Variants in SEMA5A observed in about 807,000 individuals in gnomAD.
The protein encoded by SEMA5A is semaphorin-5A.
Under a neutral mutation model 135.5 loss-of-function variants are expected in SEMA5A, and 55 were observed. The ratio of observed to expected loss-of-function variants is 0.41; its 90% CI spans 0.33 to 0.51. The LOEUF (loss-of-function observed/expected upper bound fraction) is 0.51, where lower values mean the gene tolerates loss of function less well. SEMA5A is among the 20% of genes least tolerant of loss of function. The probability of loss-of-function intolerance (pLI) is 0.37; values close to 1 mark genes in which losing one functional copy is unlikely to be tolerated. For synonymous variants in SEMA5A, 580 were observed against 546.5 expected (o/e 1.06, Z -0.85); for missense variants, 1,290 against 1,419.9 (o/e 0.91, Z 1.47).
At chr5:9,236,759 T>A (rs1192289347) in intron 6 of SEMA5A, among the ~76,000 whole-genome samples, 1 of 152,140 alleles carries the variant, frequency 6.6e-6, no homozygotes, top group African/African-American at 2.4e-5. Flanking sequence ...TGTCTCCAAG[T>A]GTTTCCCTGG....
At position 9,337,740 on chromosome 5, in the gene SEMA5A, C is replaced by T. The variant is rs1189114211; in HGVS notation, c.197G>A (p.Gly66Glu). The change falls in exon 4 of 23, where the codon GGA (glycine) becomes GAA (glutamate). Residue 66 changes from glycine (G) to glutamate (E), a missense_variant. Around this residue, in one of 3 missense-constraint regions of SEMA5A, gnomAD observed 116 missense variants for 121.3 expected, o/e 0.96. Transcript: ENST00000382496. ...TGCTCCTACAACAAGTTCTTTCTGT[C>T]CTGGGTCAAATGTTAACTGCGAGAA... ...VDFSQLTFDP[G>E]QKELVVGARN... The T allele has an allele frequency of 6.2e-7, 1 of 1,611,680 alleles. No individual in the cohort carries two copies. The highest frequency in any genetic ancestry group is 8.5e-7 in the Non-Finnish European group (1 of 1,178,434).
chr5:9,519,165 C>T (rs1328498776), intron 1 of SEMA5A, among the ~76,000 whole-genome samples: 2 of 152,090 alleles, frequency 1.3e-5, no homozygotes, highest in East Asian at 1.9e-4. Flanking sequence ...TGTATACTGA[C>T]GGAGTGTGGA....
At chr5:9,354,204 T>G (rs575208212) in intron 3 of SEMA5A, among the ~76,000 whole-genome samples, 2 of 152,248 alleles carry the variant, frequency 1.3e-5, no homozygotes, top group African/African-American at 4.8e-5. Flanking sequence ...ATGCTTTCAT[T>G]TCAAGGTACT....
intron 2 of SEMA5A, among the ~76,000 whole-genome samples, chr5:9,389,661 CCT>C (rs1756064569): frequency 6.6e-6 from 1 of 152,174 alleles, no homozygotes; most frequent in Non-Finnish European, 1.5e-5. Flanking sequence ...TCCATGCCCT[CCT>C]CTCTGTCCTG....
At chr5:9,493,061 T>C (rs912279922) in intron 1 of SEMA5A, among the ~76,000 whole-genome samples, 19 of 152,026 alleles carry the variant, frequency 1.2e-4, no homozygotes, top group African/African-American at 4.6e-4. Context: ...TTGCAACAAA[T>C]AGACCACTCT....
At position 9,545,165 on chromosome 5, in the gene SEMA5A, C is replaced by A. The variant is rs375707942; in HGVS notation, c.-175+419G>T. On this transcript the variant is annotated intron_variant, in intron 1 of 22. Coordinates refer to ENST00000382496, the MANE Select transcript of SEMA5A (RefSeq NM_003966.3). The surrounding 1 kb of genome is among the most constrained non-coding windows in gnomAD (Gnocchi z 4.5). Reference sequence around the variant, plus strand: ...GGCTGCGAGGTGGCCGCTCCCGAACCGCCAAGTCCCGACCTCCGTGTCCCC... The same window carrying A: ...GGCTGCGAGGTGGCCGCTCCCGAACAGCCAAGTCCCGACCTCCGTGTCCCC... Among the ~76,000 whole-genome samples, 10 of 152,270 alleles carry A rather than the reference C, an allele frequency of 6.6e-5. No individual in the cohort carries two copies. The East Asian group carries it at 1.9e-3, about 30-fold the overall frequency.
chr5:9,200,319 C>T (rs1745635396), intron 9 of SEMA5A, among the ~76,000 whole-genome samples: 1 of 152,200 alleles, frequency 6.6e-6, no homozygotes, highest in South Asian at 2.1e-4. Context: ...CATACACCAT[C>T]TTGCAATATT....
At chr5:9,534,207 G>C (rs1737618147) in intron 1 of SEMA5A, among the ~76,000 whole-genome samples, 1 of 152,080 alleles carries the variant, frequency 6.6e-6, no homozygotes, top group South Asian at 2.1e-4. Flanking sequence ...GCCCCACTAT[G>C]AGCAATTCAC....
At chr5:9,333,649 A>G (rs1753257650) in intron 4 of SEMA5A, among the ~76,000 whole-genome samples, 1 of 152,170 alleles carries the variant, frequency 6.6e-6, no homozygotes, top group African/African-American at 2.4e-5. Context: ...CAGTCATAAT[A>G]TATTCTTTCA....
chr5:9,206,653 C>T (rs542588797), intron 8 of SEMA5A, among the ~76,000 whole-genome samples: 8 of 151,906 alleles, frequency 5.3e-5, no homozygotes, highest in Non-Finnish European at 1.2e-4. Flanking sequence ...TATTTGTACA[C>T]AATGGGAATG....
intron 16 of SEMA5A, among the ~76,000 whole-genome samples, chr5:9,094,117 C>T (rs1739191189): frequency 6.6e-6 from 1 of 152,160 alleles, no homozygotes. Context: ...AAAGGAGGCT[C>T]CTTGAGAAAG....
chr5:9,108,088 C>G (rs1740018815), intron 16 of SEMA5A, 52 bp downstream of exon 16: 3 of 1,587,338 alleles, frequency 1.9e-6, no homozygotes, highest in South Asian at 1.1e-5. Flanking sequence ...TGTATTGAGT[C>G]TGTATTCCTG....
chr5:9,228,005 T>C lies in SEMA5A; in HGVS notation c.334-1038A>G, dbSNP rs115534259. Among the ~76,000 whole-genome samples the C allele has an allele frequency of 3.5e-3, 536 of 152,328 alleles. 4 individuals carry two copies. The highest frequency in any genetic ancestry group is 0.012 in the African/African-American group (517 of 41,568). On this transcript the variant is annotated intron_variant, in intron 6 of 22. Coordinates refer to ENST00000382496, the MANE Select transcript of SEMA5A (RefSeq NM_003966.3). ...AAGTGTTCTTAGAAAACCCTGGGTA[T>C]GGTCATAGCAGTGATGGACATGTGA...
chr5:9,484,747 T>C (rs1167179791), intron 1 of SEMA5A, among the ~76,000 whole-genome samples: 1 of 152,162 alleles, frequency 6.6e-6, no homozygotes, highest in Non-Finnish European at 1.5e-5. Context: ...TAGGATTTCA[T>C]TGAATGTAGT....
At chr5:9,173,757 A>C (rs952772743) in intron 11 of SEMA5A, among the ~76,000 whole-genome samples, 1 of 152,212 alleles carries the variant, frequency 6.6e-6, no homozygotes, top group Non-Finnish European at 1.5e-5. Flanking sequence ...TGATTCTTCA[A>C]ACAAGGTCTC....
Position 9,202,020 on chromosome 5 carries a change from G to T in SEMA5A, c.867C>A (p.Asn289Lys). 6.2e-7 allele frequency: 1 copy of T among 1,614,190 alleles called. No individual in the cohort carries two copies. The highest frequency in any genetic ancestry group is 2.2e-5 in the East Asian group (1 of 44,882). The change falls in exon 9 of 23, where the codon AAC becomes AAA. Residue 289 changes from asparagine to lysine, a missense_variant. Around this residue, in one of 3 missense-constraint regions of SEMA5A, gnomAD observed 1,029 missense variants for 1,086.6 expected, o/e 0.95. Coordinates refer to ENST00000382496, the MANE Select transcript of SEMA5A (RefSeq NM_003966.3). ...GCAGGAAGAAAGTACTCTGCAATTC[G>T]TTGTAGTAAAAGGGGACTTCCCCAG... ...SRPGEVPFYY[N>K]ELQSTFFLPE...
chr5:9,305,223 G>T (rs73048686), intron 5 of SEMA5A, among the ~76,000 whole-genome samples: 21,183 of 151,734 alleles, frequency 0.14, 1,565 homozygotes, highest in South Asian at 0.19. Flanking sequence ...AACTTTCTGG[G>T]AAATTTTTAT....
chr5:9,172,696 G>T (rs956287525), intron 11 of SEMA5A, among the ~76,000 whole-genome samples: 1 of 152,052 alleles, frequency 6.6e-6, no homozygotes. Flanking sequence ...TCACTTTAAA[G>T]GATTTTTTAC....
At chr5:9,347,872 C>A (rs1753946310) in intron 3 of SEMA5A, among the ~76,000 whole-genome samples, 1 of 152,160 alleles carries the variant, frequency 6.6e-6, no homozygotes, top group Admixed American at 6.5e-5. Context: ...TCTTAGGAAG[C>A]AAAATTTCAC....
Sources: gnomAD v4.1 joint callset for allele counts (sites outside exome capture counted in the v4.1 genomes callset) on GRCh38, gnomAD v4.1.1 for gene constraint, gnomAD v4.1.1 regional missense constraint, Gnocchi (gnomAD v3.1) non-coding constraint, MANE v1.5 for transcripts, NCBI Gene and HGNC (gene_info 2026-07-23, HGNC 2026-07-21) for gene names.